EFHC1: variants seen among roughly 807,000 people sequenced by gnomAD.
EFHC1 encodes the protein EF-hand domain-containing protein 1.
Under a neutral mutation model 69.9 loss-of-function variants are expected in EFHC1, and 53 were observed. That is an observed-to-expected ratio of 0.76 (90% CI 0.61 to 0.95). The LOEUF (loss-of-function observed/expected upper bound fraction) is 0.95, where lower values mean the gene tolerates loss of function less well. Ranked by LOEUF, EFHC1 falls within the 40% of genes least tolerant of loss-of-function variation. The probability of loss-of-function intolerance (pLI) is 0.00; values close to 1 mark genes in which losing one functional copy is unlikely to be tolerated. For synonymous variants in EFHC1, 256 were observed against 278.4 expected (o/e 0.92, Z 0.80); for missense variants, 739 against 798.7 (o/e 0.93, Z 0.90).
intron 6 of EFHC1, among the ~76,000 whole-genome samples, chr6:52,467,848 C>T (rs1765344830): frequency 6.6e-6 from 1 of 152,200 alleles, no homozygotes. Context: ...AATTACCAAT[C>T]AGCAAACGCT....
intron 3 of EFHC1, among the ~76,000 whole-genome samples, chr6:52,451,191 G>A (rs1398178563): frequency 1.3e-5 from 2 of 151,666 alleles, no homozygotes; most frequent in Admixed American, 1.3e-4. Flanking sequence ...GTTGTTAGCT[G>A]GTTATTATGC....
chr6:52,477,381 GTCTTAA>G (rs1320396569), intron 7 of EFHC1, among the ~76,000 whole-genome samples: 1 of 152,096 alleles, frequency 6.6e-6, no homozygotes, highest in Non-Finnish European at 1.5e-5. Context: ...CAATCCCATG[GTCTTAA>G]TGAGAAGATG....
intron 6 of EFHC1, 81 bp from the exon 7 acceptor site, chr6:52,469,252 T>G: frequency 6.5e-7 from 1 of 1,549,512 alleles, no homozygotes; most frequent in Non-Finnish European, 8.8e-7. Context: ...TAGAGTTTTT[T>G]CTTTAAACTT....
At chr6:52,465,788 C>A (rs1765292595) in intron 6 of EFHC1, among the ~76,000 whole-genome samples, 1 of 149,596 alleles carries the variant, frequency 6.7e-6, no homozygotes, top group Non-Finnish European at 1.5e-5. Context: ...GCCTGGGCAA[C>A]AGAATGAGTG....
rs536979649 is a variant in EFHC1 at position 52,446,978 on chromosome 6, C to T, written c.574-5710C>T. On this transcript the variant is annotated intron_variant, in intron 3 of 10. Coordinates refer to ENST00000371068, the MANE Select transcript of EFHC1 (RefSeq NM_018100.4). ...TTTGTGGGTAACCCGAACTTTCTCT[C>T]TGGCTGCCCTTAACATTTTTTTCCT... Among the ~76,000 whole-genome samples, 6 of 152,328 alleles carry T rather than the reference C, an allele frequency of 3.9e-5. No individual in the cohort carries two copies. In the East Asian group the frequency reaches 7.7e-4, roughly 20 times the overall value.
intron 3 of EFHC1, among the ~76,000 whole-genome samples, chr6:52,442,486 C>T (rs1397042377): frequency 6.6e-6 from 1 of 151,794 alleles, no homozygotes; most frequent in Non-Finnish European, 1.5e-5. Flanking sequence ...TGATGTTCCC[C>T]ACCCTGTGTC....
rs1765588678 is a variant in EFHC1, at chr6:52,478,293, G to A, written c.1279-744G>A. Among the ~76,000 whole-genome samples the A allele has an allele frequency of 3.3e-5, 5 of 151,930 alleles. No individual in the cohort carries two copies. In the South Asian group the frequency reaches 1.0e-3, roughly 32 times the overall value. On this transcript the variant is annotated intron_variant, in intron 7 of 10. Coordinates refer to ENST00000371068, the MANE Select transcript of EFHC1 (RefSeq NM_018100.4). ...ACTGTGGTGGGGTGGGAGGAGGGGG[G>A]AGGGATAGCATTGGGAGATATACCT...
intron 5 of EFHC1, among the ~76,000 whole-genome samples, chr6:52,460,269 A>G (rs1323659321): frequency 6.6e-6 from 1 of 152,258 alleles, no homozygotes; most frequent in Non-Finnish European, 1.5e-5. Context: ...AAGAGAATGA[A>G]TTCAGACAAA....
rs1765608528 is a variant in EFHC1 at position 52,479,066 on chromosome 6, C to T, written c.1308C>T (p.Arg436=). 1 of 1,613,940 alleles carries T rather than the reference C, an allele frequency of 6.2e-7. No homozygotes were observed. The highest frequency in any genetic ancestry group is 8.5e-7 in the Non-Finnish European group (1 of 1,179,994). The change falls in exon 8 of 11, where the codon CGC becomes CGT. Residue 436 remains arginine (R), a synonymous_variant. Coordinates refer to ENST00000371068, the MANE Select transcript of EFHC1 (RefSeq NM_018100.4). ...CCCCCATCCCAGAAGACAAAGACCG[C>T]AGATTTGTCTTCTCTTACTTTCTAG... ...LESPIPEDKD[R]RFVFSYFLAT...
rs1194220550 is a variant in EFHC1, at chr6:52,454,234, TC to T, written c.866del (p.Pro289HisfsTer3). On this transcript the variant is annotated frameshift_variant, in exon 5 of 11. Coordinates refer to ENST00000371068, the MANE Select transcript of EFHC1 (RefSeq NM_018100.4). LOFTEE classifies it high-confidence loss of function. ...GAACGGAATGATGGGAGAGATCCTTTCCCACTCCTAATGAACCGCCAGCGTG... is the reference window on the plus strand; with the variant it reads ...GAACGGAATGATGGGAGAGATCCTTTCCACTCCTAATGAACCGCCAGCGTG... ...VHERNDGRDP[F>X]PLLMNRQRVP... 3 of 1,614,072 alleles carry T rather than the reference TC, an allele frequency of 1.9e-6. No individual in the cohort carries two copies. Among genetic ancestry groups the T allele is most frequent in the Non-Finnish European group, 2.5e-6 (3 of 1,180,026 alleles).
intron 3 of EFHC1, among the ~76,000 whole-genome samples, chr6:52,452,327 G>A (rs1037905227): frequency 6.6e-6 from 1 of 152,072 alleles, no homozygotes; most frequent in African/African-American, 2.4e-5. Context: ...ATTTGAGGCG[G>A]GGTCTTGCTG....
At chr6:52,454,463 G>A (rs546437465) in intron 5 of EFHC1, among the ~76,000 whole-genome samples, 176 bp downstream of exon 5, 24 of 151,992 alleles carry the variant, frequency 1.6e-4, no homozygotes, top group Non-Finnish European at 2.6e-4. Context: ...CGGTCCAGGC[G>A]TGCCCCCAAG....
chr6:52,459,324 A>G (rs1399871496), intron 5 of EFHC1, among the ~76,000 whole-genome samples: 1 of 152,254 alleles, frequency 6.6e-6, no homozygotes, highest in Non-Finnish European at 1.5e-5. Flanking sequence ...AACATATTTG[A>G]GAAGGTACTT....
chr6:52,477,332 C>A (rs1181312438), intron 7 of EFHC1, among the ~76,000 whole-genome samples: 1 of 152,086 alleles, frequency 6.6e-6, no homozygotes, highest in Admixed American at 6.5e-5. Context: ...AGAGAAAAAT[C>A]TAATGACTTT....
At chr6:52,462,471 G>A (rs1765190729) in intron 5 of EFHC1, among the ~76,000 whole-genome samples, 1 of 151,962 alleles carries the variant, frequency 6.6e-6, no homozygotes, top group African/African-American at 2.4e-5. Flanking sequence ...TGAAAACAAA[G>A]GTAACAGAGA....
At chr6:52,442,630 A>C (rs920192026) in intron 3 of EFHC1, among the ~76,000 whole-genome samples, 4 of 152,050 alleles carry the variant, frequency 2.6e-5, no homozygotes, top group Non-Finnish European at 5.9e-5. Flanking sequence ...TGAGCTCATC[A>C]TTTTTTATGG....
chr6:52,488,385 T>A (rs1014809431), intron 9 of EFHC1: 5 of 152,314 alleles, frequency 3.3e-5, no homozygotes, highest in African/African-American at 1.2e-4. Context: ...AAGTAACACA[T>A]GACCAGAATT....
intron 3 of EFHC1, among the ~76,000 whole-genome samples, chr6:52,442,316 C>CT (rs1455056974): frequency 6.6e-6 from 1 of 151,796 alleles, no homozygotes; most frequent in East Asian, 1.9e-4. Context: ...TATTATTATA[C>CT]TTTAAGTTAT....
At position 52,424,185 on chromosome 6, in the gene EFHC1, A is replaced by C; in HGVS notation, c.285+18A>C. On this transcript the variant is annotated intron_variant, in intron 2 of 10. Coordinates refer to ENST00000371068, the MANE Select transcript of EFHC1 (RefSeq NM_018100.4). ...ACAAAAAGGTATCATCTGGAATTTTAGGGTACCCCTTGAATTAGGGTCTGA... is the reference window on the plus strand; with the variant it reads ...ACAAAAAGGTATCATCTGGAATTTTCGGGTACCCCTTGAATTAGGGTCTGA... 6.2e-7 allele frequency: 1 copy of C among 1,611,092 alleles called. No homozygotes were observed. Among genetic ancestry groups the C allele is most frequent in the South Asian group, 1.1e-5 (1 of 90,786 alleles).
Sources: allele counts gnomAD v4.1 joint callset (sites outside exome capture counted in the v4.1 genomes callset), GRCh38; gene constraint gnomAD v4.1.1; transcripts MANE v1.5; gene names NCBI Gene and HGNC (gene_info 2026-07-23, HGNC 2026-07-21).